Variants in PRMT8 observed in about 807,000 individuals in gnomAD.
PRMT8 encodes protein arginine N-methyltransferase 8.
In PRMT8, 7 loss-of-function variants were observed where a neutral mutation model predicts 47.1. The ratio of observed to expected loss-of-function variants is 0.15; its 90% CI spans 0.08 to 0.28. PRMT8 has a LOEUF of 0.28. PRMT8 is among the 10% of genes least tolerant of loss of function. The probability of loss-of-function intolerance (pLI) is 1.00; values close to 1 mark genes in which losing one functional copy is unlikely to be tolerated. For synonymous variants in PRMT8, 188 were observed against 186.5 expected (o/e 1.01, Z -0.07); for missense variants, 237 against 505.4 (o/e 0.47, Z 5.09).
chr12:3,434,136 G>A (rs1864711847), intron 1 of PRMT8, among the ~76,000 whole-genome samples: 1 of 152,152 alleles, frequency 6.6e-6, no homozygotes, highest in African/African-American at 2.4e-5. Context: ...AGGATGATGA[G>A]CTTTGTGAAC....
chr12:3,465,765 GA>G (rs2137091306), intron 1 of PRMT8, among the ~76,000 whole-genome samples: 1 of 152,344 alleles, frequency 6.6e-6, no homozygotes. Context: ...GGACCTTTCA[GA>G]GGGCATAGCC....
intron 1 of PRMT8, among the ~76,000 whole-genome samples, chr12:3,522,927 G>A (rs945834602): frequency 3.3e-5 from 5 of 152,088 alleles, no homozygotes; most frequent in Admixed American, 1.3e-4. Flanking sequence ...AGCAGGCTCC[G>A]TCATTGGGGG....
In PRMT8 at chr12:3,492,864, G is replaced by C. The variant is rs927875379; in HGVS notation, c.75+1164G>C. ...TCTATTAATAGCTGGGTGTCTGGTG[G>C]GGCTGCCGCACATTTCACATATGGT... On this transcript the variant is annotated intron_variant, in intron 1 of 9. Transcript: ENST00000382622. The surrounding 1 kb of genome is among the most constrained non-coding windows in gnomAD (Gnocchi z 7.5). Among the ~76,000 whole-genome samples the C allele has an allele frequency of 4.6e-5, 7 of 152,080 alleles. No individual in the cohort carries two copies. The highest frequency in any genetic ancestry group is 1.4e-4 in the African/African-American group (6 of 41,416).
At chr12:3,438,614 T>C (rs1012955398) in intron 1 of PRMT8, among the ~76,000 whole-genome samples, 1 of 152,212 alleles carries the variant, frequency 6.6e-6, no homozygotes, top group Non-Finnish European at 1.5e-5. Flanking sequence ...ACAAATTCCT[T>C]TGCTATCCCA....
upstream of PRMT8, among the ~76,000 whole-genome samples, chr12:3,490,859 A>T (rs550247501): frequency 7.4e-6 from 1 of 135,102 alleles, no homozygotes; most frequent in South Asian, 2.8e-4. Flanking sequence ...GGAGCGGGAG[A>T]GCTGGGGTGG....
At chr12:3,571,655 A>G (rs189643242) in intron 6 of PRMT8, among the ~76,000 whole-genome samples, 1 of 152,282 alleles carries the variant, frequency 6.6e-6, no homozygotes, top group East Asian at 1.9e-4. Flanking sequence ...GCACCATGTT[A>G]TCTTGTGCTT....
rs1026891171 is a variant in PRMT8 at position 3,453,244 on chromosome 12, C to T, written c.48+71802C>T. Among the ~76,000 whole-genome samples, 6 of 152,106 alleles carry T rather than the reference C, an allele frequency of 3.9e-5. No individual in the cohort carries two copies. Among genetic ancestry groups the T allele is most frequent in the African/African-American group, 1.4e-4 (6 of 41,396 alleles). ...GCCACGGTTCCTTCCCTCCCCACGC[C>T]CCTCGCTCACTCTAGTCCTGGCTCC... On this transcript the variant is annotated intron_variant, in intron 1 of 9. Transcript: ENST00000452611. The surrounding 1 kb of genome is among the most constrained non-coding windows in gnomAD (Gnocchi z 4.9).
chr12:3,488,515 A>G (rs1276128847), upstream of PRMT8, among the ~76,000 whole-genome samples: 1 of 152,128 alleles, frequency 6.6e-6, no homozygotes, highest in East Asian at 1.9e-4. Flanking sequence ...CTCCCATGAA[A>G]ATCTCCTTAA....
chr12:3,567,587 G>A (rs571266098), intron 4 of PRMT8, among the ~76,000 whole-genome samples: 57 of 152,304 alleles, frequency 3.7e-4, no homozygotes, highest in Non-Finnish European at 1.8e-4. Flanking sequence ...TGTTTCCACT[G>A]CTGCTACTCA....
At chr12:3,381,372 T>C in exon 1 of PRMT8, 1 of 1,535,902 alleles carries the variant, frequency 6.5e-7, no homozygotes, top group Non-Finnish European at 8.7e-7. Context: ...GGAGGCTTGC[T>C]GTTTGAATGT....
intron 1 of PRMT8, among the ~76,000 whole-genome samples, chr12:3,419,746 C>T (rs1253620333): frequency 6.6e-6 from 1 of 151,936 alleles, no homozygotes; most frequent in East Asian, 1.9e-4. Flanking sequence ...TGCTGAAAAC[C>T]CTTCCAGGGC....
intron 1 of PRMT8, among the ~76,000 whole-genome samples, chr12:3,483,399 A>G (rs1865292483): frequency 6.6e-6 from 1 of 152,222 alleles, no homozygotes. Flanking sequence ...CAAGAAATGG[A>G]AACCACTCTT....
At chr12:3,463,539 C>T (rs540731282) in intron 1 of PRMT8, 1 of 152,290 alleles carries the variant, frequency 6.6e-6, no homozygotes, top group East Asian at 1.9e-4. Context: ...CTAGGACAAG[C>T]CATTTAACTT....
intron 1 of PRMT8, among the ~76,000 whole-genome samples, chr12:3,382,500 C>T (rs1432028877): frequency 6.6e-6 from 1 of 152,066 alleles, no homozygotes; most frequent in African/African-American, 2.4e-5. Context: ...GTCTTTTCAC[C>T]TTCTTATTTG....
At chr12:3,525,365 C>T (rs1865937432) in intron 1 of PRMT8, among the ~76,000 whole-genome samples, 1 of 152,134 alleles carries the variant, frequency 6.6e-6, no homozygotes, top group Non-Finnish European at 1.5e-5. Flanking sequence ...GGGAAAGTTG[C>T]AGGGCCTTGT....
intron 1 of PRMT8, among the ~76,000 whole-genome samples, chr12:3,498,151 A>G (rs1267259548): frequency 6.6e-6 from 1 of 152,232 alleles, no homozygotes; most frequent in Non-Finnish European, 1.5e-5. Context: ...CATTGTGTGC[A>G]ATGCTGTGAA....
chr12:3,560,067 G>A (rs1866605601), intron 4 of PRMT8, among the ~76,000 whole-genome samples: 1 of 152,212 alleles, frequency 6.6e-6, no homozygotes, highest in African/African-American at 2.4e-5. Context: ...ATAAAGCTGA[G>A]TGGTCTTTAC....
At chr12:3,469,055 A>G (rs1356056039) in intron 1 of PRMT8, 4 of 446,146 alleles carry the variant, frequency 9.0e-6, no homozygotes, top group East Asian at 6.0e-5. Context: ...CAACAAGGCC[A>G]TTAAGAAATT....
In PRMT8 at chr12:3,491,767, C is replaced by CGCCGCT. The variant is rs1176887742; in HGVS notation, c.75+68_75+73dup. The CGCCGCT allele has an allele frequency of 3.2e-6, 5 of 1,545,450 alleles. No individual in the cohort carries two copies. The African/African-American group carries it at 6.8e-5, about 21-fold the overall frequency. Reference sequence around the variant, plus strand: ...CCCACCCGGACCACCGCGCCGCCGCCGCCGCTCAGCGCCGAGTGCCAAACT... The same window carrying CGCCGCT: ...CCCACCCGGACCACCGCGCCGCCGCCGCCGCTGCCGCTCAGCGCCGAGTGCCAAACT... On this transcript the variant is annotated intron_variant, in intron 1 of 9. Transcript: ENST00000382622.
Sources: gnomAD v4.1 joint callset for allele counts (sites outside exome capture counted in the v4.1 genomes callset) on GRCh38, gnomAD v4.1.1 for gene constraint, Gnocchi (gnomAD v3.1) non-coding constraint, MANE v1.5 for transcripts, NCBI Gene and HGNC (gene_info 2026-07-23, HGNC 2026-07-21) for gene names.